The following LRP1B variants were observed in gnomAD, a reference collection of about 807,000 sequenced individuals.
LRP1B encodes LDL receptor related protein 1B, also known as low-density lipoprotein receptor-related protein 1B.
Under a neutral mutation model 556.6 loss-of-function variants are expected in LRP1B, and 217 were observed. The ratio of observed to expected loss-of-function variants is 0.39; its 90% confidence interval spans 0.35 to 0.44. The LOEUF is 0.44. Ranked by LOEUF, LRP1B falls within the 20% of genes least tolerant of loss-of-function variation. LRP1B has a pLI of 1.00. For synonymous variants in LRP1B, 2,047 were observed against 1,865.8 expected (o/e 1.10, Z -2.50); for missense variants, 5,053 against 5,620.8 (o/e 0.90, Z 3.23).
chr2:141,314,865 TACATATATAC>T (rs1299809667), intron 3 of LRP1B, among the ~76,000 whole-genome samples: 11 of 140,208 alleles, frequency 7.8e-5, no homozygotes, highest in South Asian at 6.8e-4. Flanking sequence ...TACATATATA[TACATATATAC>T]ATACATATAT....
At chr2:140,257,023 T>C (rs1681725204) in intron 86 of LRP1B, among the ~76,000 whole-genome samples, 2 of 152,098 alleles carry the variant, frequency 1.3e-5, no homozygotes, top group Admixed American at 1.3e-4. Context: ...ATGATGGCTT[T>C]TTCTGCTACC....
intron 2 of LRP1B, among the ~76,000 whole-genome samples, chr2:141,746,019 G>T (rs557642140): frequency 5.1e-4 from 77 of 152,132 alleles, no homozygotes; most frequent in Non-Finnish European, 9.3e-4. Context: ...GGACTTCAAT[G>T]CAAGACAAAG....
At chr2:142,064,515 A>T (rs535237806) in intron 1 of LRP1B, among the ~76,000 whole-genome samples, 14 of 151,682 alleles carry the variant, frequency 9.2e-5, no homozygotes, top group African/African-American at 3.1e-4. Flanking sequence ...TTTAATATCC[A>T]GCACTGCCAG....
intron 2 of LRP1B, among the ~76,000 whole-genome samples, chr2:141,590,242 A>C (rs1687290058): frequency 6.6e-6 from 1 of 152,194 alleles, no homozygotes; most frequent in Admixed American, 6.5e-5. Flanking sequence ...TTTTTTAAAA[A>C]GAGACTTAGA....
At chr2:140,617,854 T>A (rs1297348136) in intron 41 of LRP1B, among the ~76,000 whole-genome samples, 1 of 152,152 alleles carries the variant, frequency 6.6e-6, no homozygotes. Flanking sequence ...AGGAAAATTT[T>A]AAAAACTGTT....
intron 31 of LRP1B, among the ~76,000 whole-genome samples, chr2:140,817,387 T>C (rs564255586): frequency 6.6e-6 from 1 of 152,074 alleles, no homozygotes; most frequent in African/African-American, 2.4e-5. Flanking sequence ...ATCTTTTTAC[T>C]TATCTTTTCT....
At chr2:142,032,179 C>G (rs1241747073) in intron 1 of LRP1B, among the ~76,000 whole-genome samples, 1 of 151,860 alleles carries the variant, frequency 6.6e-6, no homozygotes, top group Non-Finnish European at 1.5e-5. Context: ...CAGAAGTCAA[C>G]AGGTAGAAAC....
At chr2:140,426,629 C>A (rs564958386) in intron 66 of LRP1B, among the ~76,000 whole-genome samples, 8 of 152,306 alleles carry the variant, frequency 5.3e-5, no homozygotes, top group Non-Finnish European at 8.8e-5. Flanking sequence ...CAGAGAACAA[C>A]CCCTCTTTGA....
chr2:140,529,429 A>G (rs1257381214), intron 47 of LRP1B, among the ~76,000 whole-genome samples: 1 of 103,232 alleles, frequency 9.7e-6, no homozygotes, highest in Admixed American at 9.9e-5. Context: ...AGGGAAGCTG[A>G]AAAGGGGGGG....
At chr2:141,635,905 G>A (rs1446815550) in intron 2 of LRP1B, among the ~76,000 whole-genome samples, 2 of 152,116 alleles carry the variant, frequency 1.3e-5, no homozygotes, top group African/African-American at 4.8e-5. Context: ...TCATCTTCTG[G>A]TTTTATACCT....
chr2:141,779,015 T>C (rs1408310968), intron 2 of LRP1B, among the ~76,000 whole-genome samples: 1 of 152,166 alleles, frequency 6.6e-6, no homozygotes, highest in Non-Finnish European at 1.5e-5. Flanking sequence ...AGGGCTGTGG[T>C]CTACTTAACC....
At chr2:141,216,490 T>G (rs1363528371) in intron 6 of LRP1B, among the ~76,000 whole-genome samples, 1 of 152,108 alleles carries the variant, frequency 6.6e-6, no homozygotes, top group Admixed American at 6.5e-5. Context: ...GAGTTCCCAG[T>G]GGGGCATTAC....
intron 35 of LRP1B, among the ~76,000 whole-genome samples, chr2:140,763,170 T>C (rs901048185): frequency 1.3e-5 from 2 of 152,130 alleles, no homozygotes; most frequent in African/African-American, 4.8e-5. Context: ...CACTGTGATC[T>C]GCTCAAACAT....
intron 3 of LRP1B, among the ~76,000 whole-genome samples, chr2:141,309,873 G>T (rs547390053): frequency 6.6e-6 from 1 of 151,982 alleles, no homozygotes; most frequent in Admixed American, 6.5e-5. Flanking sequence ...GACATCAATT[G>T]CAAAATGAGA....
intron 32 of LRP1B, among the ~76,000 whole-genome samples, chr2:140,810,045 G>A (rs928179107): frequency 6.6e-6 from 1 of 152,188 alleles, no homozygotes; most frequent in African/African-American, 2.4e-5. Context: ...AAATAGCAAA[G>A]TGTTTATGAA....
intron 1 of LRP1B, among the ~76,000 whole-genome samples, chr2:142,079,601 A>G (rs1705639705): frequency 6.6e-6 from 1 of 151,840 alleles, no homozygotes; most frequent in Admixed American, 6.6e-5. Flanking sequence ...TCCGCCTCCC[A>G]GGTGTTCACA....
intron 7 of LRP1B, among the ~76,000 whole-genome samples, chr2:141,074,569 GTCTCTCTC>G (rs368177753): frequency 7.3e-6 from 1 of 136,308 alleles, no homozygotes; most frequent in African/African-American, 2.7e-5. Context: ...CTGTCTCTCT[GTCTCTCTC>G]TCTCTCTCTC....
intron 84 of LRP1B, among the ~76,000 whole-genome samples, chr2:140,296,951 A>C (rs72892277): frequency 0.047 from 7,098 of 152,230 alleles, 241 homozygotes; most frequent in East Asian, 0.16. Flanking sequence ...AAATAAGGTT[A>C]TTACAAAAAA....
At chr2:141,601,480 A>G (rs1687736158) in intron 2 of LRP1B, among the ~76,000 whole-genome samples, 1 of 152,172 alleles carries the variant, frequency 6.6e-6, no homozygotes. Flanking sequence ...TGACTTTTAG[A>G]CCACAAACAA....
Sources: allele counts gnomAD v4.1 joint callset (sites outside exome capture counted in the v4.1 genomes callset), GRCh38; gene constraint gnomAD v4.1.1; transcripts MANE v1.5; gene names NCBI Gene and HGNC (gene_info 2026-07-23, HGNC 2026-07-21).